The following CYRIB variants were observed in gnomAD, a reference collection of about 807,000 sequenced individuals.
The protein encoded by CYRIB is CYFIP related Rac1 interactor B.
A neutral mutation model predicts 44.2 loss-of-function variants in CYRIB; 8 were observed. The ratio of observed to expected loss-of-function variants is 0.18; its 90% CI spans 0.11 to 0.33. The LOEUF (loss-of-function observed/expected upper bound fraction) is 0.33. Among genes scored for constraint, CYRIB ranks in the 10% least tolerant of loss-of-function variants. CYRIB has a pLI of 1.00. For missense variants in CYRIB, 185 were observed against 382.8 expected (o/e 0.48, Z 4.31); for synonymous variants, 131 against 127.2 (o/e 1.03, Z -0.20).
intron 2 of CYRIB, among the ~76,000 whole-genome samples, chr8:129,968,155 A>C (rs1173703722): frequency 6.6e-6 from 1 of 152,208 alleles, no homozygotes; most frequent in African/African-American, 2.4e-5. Flanking sequence ...CTAAGGAGTA[A>C]ATGAATTAAT....
chr8:129,995,431 C>T (rs1592059309), intron 1 of CYRIB, among the ~76,000 whole-genome samples: 1 of 152,196 alleles, frequency 6.6e-6, no homozygotes, highest in Non-Finnish European at 1.5e-5. Context: ...ATCCCTCTTC[C>T]CCTACCCTAG....
chr8:129,854,490 T>C, intron 6 of CYRIB, 147 bp from the exon 9 acceptor site: 1 of 594,198 alleles, frequency 1.7e-6, no homozygotes, highest in South Asian at 2.3e-5. Flanking sequence ...TAATCCAAGG[T>C]GGCTTATAAC....
intron 2 of CYRIB, among the ~76,000 whole-genome samples, chr8:129,957,483 C>T (rs771010381): frequency 2.6e-5 from 4 of 152,202 alleles, no homozygotes; most frequent in Non-Finnish European, 5.9e-5. Flanking sequence ...AAAAGCACAG[C>T]ATCTAAGCTG....
intron 9 of CYRIB, 122 bp downstream of exon 11, chr8:129,850,713 G>C: frequency 1.4e-6 from 1 of 731,248 alleles, no homozygotes; most frequent in Non-Finnish European, 2.3e-6. Context: ...TTCAATATTT[G>C]GAATATACTT....
chr8:129,902,618 G>C (rs1563666103), intron 2 of CYRIB, among the ~76,000 whole-genome samples: 1 of 152,134 alleles, frequency 6.6e-6, no homozygotes. Context: ...CCAGGCTCAG[G>C]TAAGCCACCA....
intron 2 of CYRIB, among the ~76,000 whole-genome samples, chr8:129,965,248 CTGTGTGTG>C (rs3077879): frequency 4.7e-5 from 7 of 148,682 alleles, no homozygotes; most frequent in Non-Finnish European, 6.0e-5. Context: ...CCCCCAGACA[CTGTGTGTG>C]TGTGTGTGTG....
chr8:129,936,486 C>G (rs994171901), intron 1 of CYRIB, among the ~76,000 whole-genome samples: 3 of 152,114 alleles, frequency 2.0e-5, no homozygotes, highest in Non-Finnish European at 2.9e-5. Context: ...AGAATGAGTT[C>G]ACACATCCAA....
intron 3 of CYRIB, among the ~76,000 whole-genome samples, chr8:129,873,003 A>G (rs559963319): frequency 6.6e-6 from 1 of 152,118 alleles, no homozygotes; most frequent in East Asian, 1.9e-4. Flanking sequence ...AATTCTACCT[A>G]ATAAACCTGC....
At chr8:129,939,410 G>C (rs2093404879) in intron 1 of CYRIB, among the ~76,000 whole-genome samples, 1 of 151,638 alleles carries the variant, frequency 6.6e-6, no homozygotes, top group Non-Finnish European at 1.5e-5. Flanking sequence ...CCGGGGGCAG[G>C]CCGGGGCCGC....
intron 1 of CYRIB, among the ~76,000 whole-genome samples, chr8:129,991,913 TGCACTCCA>T (rs1353421091): frequency 1.7e-5 from 2 of 118,504 alleles, no homozygotes; most frequent in Non-Finnish European, 3.2e-5. Context: ...ATTGCGCCAC[TGCACTCCA>T]GCCTGGGCAA....
At chr8:129,940,468 C>T (rs2093604906), upstream of CYRIB, among the ~76,000 whole-genome samples, 1 of 152,294 alleles carries the variant, frequency 6.6e-6, no homozygotes. Flanking sequence ...ACAACACTCT[C>T]AGATATATCA....
chr8:129,959,078 A>C (rs2095075826), intron 2 of CYRIB, among the ~76,000 whole-genome samples: 1 of 151,488 alleles, frequency 6.6e-6, no homozygotes, highest in Non-Finnish European at 1.5e-5. Context: ...AAAAAAAAAA[A>C]AAAAAACAAA....
chr8:129,995,906 C>T (rs1319462083), intron 1 of CYRIB, among the ~76,000 whole-genome samples: 1 of 152,192 alleles, frequency 6.6e-6, no homozygotes, highest in Non-Finnish European at 1.5e-5. Context: ...AATCTGCTTC[C>T]CTGGGTGGAA....
At chr8:129,879,301 A>C in intron 3 of CYRIB, 88 bp downstream of exon 5, 1 of 895,490 alleles carries the variant, frequency 1.1e-6, no homozygotes, top group Admixed American at 2.2e-5. Flanking sequence ...GCAGTTAAAA[A>C]GATGGCAAAG....
intron 2 of CYRIB, among the ~76,000 whole-genome samples, chr8:129,898,453 A>C (rs1236013530): frequency 1.3e-5 from 2 of 152,244 alleles, no homozygotes; most frequent in African/African-American, 4.8e-5. Flanking sequence ...TTAAAAAAGA[A>C]AAATGTATGC....
At chr8:129,919,419 A>G (rs2082388562) in intron 1 of CYRIB, among the ~76,000 whole-genome samples, 1 of 152,240 alleles carries the variant, frequency 6.6e-6, no homozygotes, top group Admixed American at 6.5e-5. Flanking sequence ...ATGGCAAAGT[A>G]CAAAATGCTG....
At chr8:129,868,713 T>G (rs1450842653) in intron 4 of CYRIB, 1 of 151,926 alleles carries the variant, frequency 6.6e-6, no homozygotes, top group East Asian at 1.9e-4. Context: ...CTTTGATATA[T>G]CCTATATATA....
At chr8:129,893,772 C>T (rs181782598) in intron 2 of CYRIB, among the ~76,000 whole-genome samples, 1 of 151,424 alleles carries the variant, frequency 6.6e-6, no homozygotes, top group South Asian at 2.1e-4. Flanking sequence ...TGGCCTCAAC[C>T]GATCCTTCCA....
rs184060817 is a variant in CYRIB at position 130,000,983 on chromosome 8, C to G, written c.-296+15387G>C. Among the ~76,000 whole-genome samples, 400 of 152,308 alleles carry G rather than the reference C, an allele frequency of 2.6e-3. 2 individuals carry two copies. The highest frequency in any genetic ancestry group is 9.2e-3 in the African/African-American group (384 of 41,572). On this transcript the variant is annotated intron_variant, in intron 1 of 14. Coordinates refer to the CYRIB transcript ENST00000401979. ...CATCAAACATATGTTTGGTACCTAC[C>G]TACCAGGTACTTTCTATATTTGGTG... is the stretch of plus-strand genomic sequence containing the variant.
Sources: allele counts gnomAD v4.1 joint callset (sites outside exome capture counted in the v4.1 genomes callset), GRCh38; gene constraint gnomAD v4.1.1; transcripts MANE v1.5; gene names NCBI Gene and HGNC (gene_info 2026-07-23, HGNC 2026-07-21).